The following EYS variants were observed in gnomAD, a reference collection of about 807,000 sequenced individuals.
EYS encodes EGF-like photoreceptor maintenance factor.
EYS carries 250 observed loss-of-function variants against 282.1 expected under a neutral mutation model. The observed-to-expected ratio is 0.89, with a 90% CI of 0.80 to 0.98. EYS has a LOEUF of 0.98. Ranked by LOEUF, EYS falls within the 50% of genes least tolerant of loss-of-function variation. The probability of loss-of-function intolerance (pLI) is 0.00; values close to 1 mark genes in which losing one functional copy is unlikely to be tolerated. For synonymous variants in EYS, 1,355 were observed against 1,282.9 expected (o/e 1.06, Z -1.20); for missense variants, 4,016 against 3,709.0 (o/e 1.08, Z -2.15).
intron 39 of EYS, chr6:63,779,346 C>T (rs542157217): frequency 8.0e-5 from 12 of 150,938 alleles, no homozygotes; most frequent in Non-Finnish European, 1.8e-4. Context: ...CCCAGCTACT[C>T]GGGAGGCTGA....
intron 22 of EYS, among the ~76,000 whole-genome samples, chr6:64,809,493 T>C (rs1309996412): frequency 1.3e-5 from 2 of 151,486 alleles, no homozygotes; most frequent in East Asian, 1.9e-4. Flanking sequence ...ATATAAAAAC[T>C]GAAAAAAGTG....
At chr6:65,146,542 C>G (rs530890677) in intron 12 of EYS, among the ~76,000 whole-genome samples, 1 of 152,028 alleles carries the variant, frequency 6.6e-6, no homozygotes, top group Non-Finnish European at 1.5e-5. Flanking sequence ...AACACATTTT[C>G]TTCAAGTAAT....
At chr6:65,513,775 T>C (rs1292335371) in intron 2 of EYS, among the ~76,000 whole-genome samples, 1 of 152,048 alleles carries the variant, frequency 6.6e-6, no homozygotes, top group East Asian at 1.9e-4. Flanking sequence ...AAATTAGGTA[T>C]TGATGGGATG....
intron 30 of EYS, among the ~76,000 whole-genome samples, chr6:64,265,757 A>G (rs1245329463): frequency 2.0e-5 from 3 of 152,172 alleles, no homozygotes; most frequent in African/African-American, 7.2e-5. Flanking sequence ...TGTCCTGAGT[A>G]TTAATGAGAT....
rs980238080 is a variant in EYS, at chr6:64,766,193, G to A, written c.3443+47185C>T. ...TCCGCCTGGCTCAGCCTCCCAAAGT[G>A]CTGAGATTACAGACATGAGCCACTG... On this transcript the variant is annotated intron_variant, in intron 22 of 42. Transcript: ENST00000503581. Among the ~76,000 whole-genome samples the A allele has an allele frequency of 5.3e-5, 8 of 151,206 alleles. No homozygotes were observed. In the East Asian group the frequency reaches 1.6e-3, roughly 31 times the overall value.
At chr6:64,576,782 G>A (rs919299054) in intron 26 of EYS, among the ~76,000 whole-genome samples, 1 of 152,006 alleles carries the variant, frequency 6.6e-6, no homozygotes, top group African/African-American at 2.4e-5. Context: ...GCCATTAGGA[G>A]GAAACAATAA....
chr6:64,306,206 T>C (rs1191080723), intron 30 of EYS, among the ~76,000 whole-genome samples: 2 of 151,884 alleles, frequency 1.3e-5, no homozygotes, highest in Non-Finnish European at 2.9e-5. Flanking sequence ...GAAAAGAGGG[T>C]CCAAAAATCC....
intron 24 of EYS, among the ~76,000 whole-genome samples, chr6:64,595,681 C>T (rs1004783093): frequency 4.6e-5 from 7 of 152,062 alleles, no homozygotes; most frequent in African/African-American, 7.2e-5. Context: ...AATGCAATCC[C>T]AGTCACAATA....
At chr6:64,897,359 G>C (rs998617945) in intron 18 of EYS, among the ~76,000 whole-genome samples, 3 of 152,080 alleles carry the variant, frequency 2.0e-5, no homozygotes, top group Admixed American at 2.0e-4. Context: ...TGCAGAAGAG[G>C]GCCTGACTGT....
intron 37 of EYS, among the ~76,000 whole-genome samples, chr6:63,804,955 A>AC (rs1412680349): frequency 6.6e-6 from 1 of 152,070 alleles, no homozygotes; most frequent in Non-Finnish European, 1.5e-5. Flanking sequence ...ATGATAGAGT[A>AC]CCCCATCCTA....
intron 33 of EYS, among the ~76,000 whole-genome samples, chr6:64,012,506 T>C (rs146976942): frequency 1.1e-4 from 17 of 152,282 alleles, no homozygotes; most frequent in Admixed American, 5.9e-4. Flanking sequence ...TAAGATCTAA[T>C]TGATAGCATT....
chr6:65,393,995 C>G (rs1766164592), intron 7 of EYS, among the ~76,000 whole-genome samples: 1 of 152,066 alleles, frequency 6.6e-6, no homozygotes, highest in Non-Finnish European at 1.5e-5. Context: ...TCATATTTCT[C>G]TAATATTTAG....
At chr6:64,849,458 G>A (rs1288422055) in intron 19 of EYS, among the ~76,000 whole-genome samples, 2 of 151,900 alleles carry the variant, frequency 1.3e-5, no homozygotes, top group Non-Finnish European at 2.9e-5. Context: ...AAAAATATTT[G>A]GGGAGTCACT....
chr6:64,252,554 TCTTA>T (rs774258128), intron 30 of EYS, among the ~76,000 whole-genome samples: 324 of 152,234 alleles, frequency 2.1e-3, no homozygotes, highest in Non-Finnish European at 5.1e-4. Context: ...TCCCTATCAT[TCTTA>T]CTATTAAGTT....
intron 31 of EYS, among the ~76,000 whole-genome samples, chr6:64,228,742 T>C (rs1220621632): frequency 1.3e-5 from 2 of 152,152 alleles, no homozygotes; most frequent in African/African-American, 4.8e-5. Context: ...CTTTCCTATA[T>C]TCTGCCACCA....
intron 31 of EYS, among the ~76,000 whole-genome samples, chr6:64,191,584 C>T (rs1199276448): frequency 2.0e-5 from 3 of 150,236 alleles, no homozygotes; most frequent in Admixed American, 1.3e-4. Flanking sequence ...CGGTGTTTGG[C>T]TTTTTGTTCT....
intron 30 of EYS, among the ~76,000 whole-genome samples, chr6:64,242,251 A>G (rs1582474283): frequency 6.6e-6 from 1 of 152,006 alleles, no homozygotes; most frequent in East Asian, 1.9e-4. Flanking sequence ...TCTGTCTAAT[A>G]TTGACAGTGG....
chr6:64,907,208 C>G (rs941479199), intron 16 of EYS, among the ~76,000 whole-genome samples: 13 of 152,106 alleles, frequency 8.5e-5, no homozygotes, highest in African/African-American at 3.1e-4. Flanking sequence ...CATGAACCAC[C>G]ACGCACTGCT....
chr6:63,838,194 C>A (rs1385954494), intron 36 of EYS, among the ~76,000 whole-genome samples: 1 of 151,542 alleles, frequency 6.6e-6, no homozygotes, highest in Non-Finnish European at 1.5e-5. Flanking sequence ...GGTGGTGATA[C>A]TTGCTTCCAA....
Sources: gnomAD v4.1 joint callset for allele counts (sites outside exome capture counted in the v4.1 genomes callset) on GRCh38, gnomAD v4.1.1 for gene constraint, MANE v1.5 for transcripts, NCBI Gene and HGNC (gene_info 2026-07-23, HGNC 2026-07-21) for gene names.